SOX6: variants seen among roughly 807,000 people sequenced by gnomAD.
SOX6 encodes SRY-box transcription factor 6, also known as transcription factor SOX-6.
In SOX6, 11 loss-of-function variants were observed where a neutral mutation model predicts 97.8. The observed-to-expected ratio is 0.11, with a 90% CI of 0.07 to 0.19. The LOEUF (loss-of-function observed/expected upper bound fraction) is 0.19, where lower values mean the gene tolerates loss of function less well. SOX6 is among the 10% of genes least tolerant of loss of function. SOX6 has a pLI of 1.00. For synonymous variants in SOX6, 360 were observed against 371.4 expected, an observed-to-expected ratio of 0.97 and a Z score of 0.35; for missense variants, 810 against 1,039.5, an observed-to-expected ratio of 0.78 and a Z score of 3.04.
intron 4 of SOX6, among the ~76,000 whole-genome samples, chr11:16,575,320 GAA>G (rs1847972163): frequency 6.6e-6 from 1 of 152,050 alleles, no homozygotes; most frequent in African/African-American, 2.4e-5. Context: ...AACACTTTTT[GAA>G]AAGAGTTTCA....
intron 1 of SOX6, among the ~76,000 whole-genome samples, chr11:16,389,114 A>T (rs1858083455): frequency 6.6e-6 from 1 of 152,004 alleles, no homozygotes; most frequent in South Asian, 2.1e-4. Flanking sequence ...ACAGGGTCTC[A>T]CTCTGACAAC....
At chr11:16,701,614 T>A (rs1463660282) in intron 3 of SOX6, among the ~76,000 whole-genome samples, 1 of 152,034 alleles carries the variant, frequency 6.6e-6, no homozygotes, top group Non-Finnish European at 1.5e-5. Context: ...TCCCAGCACT[T>A]TGGGAGGCCG....
intron 3 of SOX6, among the ~76,000 whole-genome samples, chr11:16,700,641 C>T (rs1425443642): frequency 6.6e-6 from 1 of 152,122 alleles, no homozygotes; most frequent in East Asian, 1.9e-4. Context: ...TATTTCTTCT[C>T]CACTCCCACT....
At chr11:16,721,524 CT>C (rs1848262378) in intron 2 of SOX6, among the ~76,000 whole-genome samples, 1 of 67,936 alleles carries the variant, frequency 1.5e-5, no homozygotes, top group Non-Finnish European at 3.0e-5. Context: ...CTCTCTCTCT[CT>C]CTCTCTCTCT....
intron 1 of SOX6, among the ~76,000 whole-genome samples, chr11:16,349,715 A>AGGAAGGAAGGAAGGAAGGAAGGAG (rs369882029): frequency 2.4e-5 from 1 of 41,730 alleles, no homozygotes; most frequent in Non-Finnish European, 4.7e-5. Context: ...GAAGGAAGGA[A>AGGAAGGAAGGAAGGAAGGAAGGAG]GAAGGAAGGA....
At position 16,605,545 on chromosome 11, in the gene SOX6, G is replaced by A. The variant is rs1343767527; in HGVS notation, n.609+6536C>T. 6.6e-6 allele frequency among the ~76,000 whole-genome samples: 1 copy of A among 152,166 alleles called. No individual in the cohort carries two copies. Among genetic ancestry groups the A allele is most frequent in the African/African-American group, 2.4e-5 (1 of 41,446 alleles). On this transcript the variant is annotated intron_variant and non_coding_transcript_variant, in intron 4 of 5. Coordinates refer to the SOX6 transcript ENST00000524520. This position sits in a 1 kb window ranked among gnomAD's most constrained non-coding sequence, Gnocchi z 5.3. ...CGAGCGGTGTCCCGAAAAAGTTGCG[G>A]CGGAGCGGCGGTGGGGTGAGGGTGG...
chr11:16,067,772 T>C (rs1480399767), intron 9 of SOX6, among the ~76,000 whole-genome samples: 1 of 152,208 alleles, frequency 6.6e-6, no homozygotes, highest in Non-Finnish European at 1.5e-5. Context: ...AAACATTTCA[T>C]GTATCTCATA....
intron 1 of SOX6, among the ~76,000 whole-genome samples, chr11:16,447,673 A>C (rs1256357114): frequency 1.3e-5 from 2 of 152,146 alleles, no homozygotes; most frequent in African/African-American, 4.8e-5. Flanking sequence ...CCTGTGGAGG[A>C]GACTTAGTTC....
At chr11:16,490,738 C>A (rs1451649612) in intron 4 of SOX6, among the ~76,000 whole-genome samples, 1 of 151,876 alleles carries the variant, frequency 6.6e-6, no homozygotes, top group African/African-American at 2.4e-5. Context: ...AAGAGAAGTC[C>A]ATAACTGAAA....
intron 4 of SOX6, among the ~76,000 whole-genome samples, chr11:16,519,905 G>C (rs1047467780): frequency 1.3e-5 from 2 of 152,146 alleles, no homozygotes; most frequent in African/African-American, 4.8e-5. Flanking sequence ...GGTGTGAGAT[G>C]CTAACTCATT....
In SOX6 at chr11:16,230,595, C is replaced by T. The variant is rs16932776; in HGVS notation, c.535+3987G>A. ...AGACATAAAATAACTGAATAAATGA[C>T]TTTGAATGGAGCAATTCAATAGTAT... On this transcript the variant is annotated intron_variant, in intron 4 of 15. Transcript: ENST00000683767. Among the ~76,000 whole-genome samples, 459 of 151,776 alleles carry T rather than the reference C, an allele frequency of 3.0e-3. 1 individual carries two copies. Among genetic ancestry groups the T allele is most frequent in the African/African-American group, 0.011 (443 of 41,532 alleles).
At chr11:16,281,515 TAATC>T (rs1262946975) in intron 3 of SOX6, among the ~76,000 whole-genome samples, 6 of 152,192 alleles carry the variant, frequency 3.9e-5, no homozygotes, top group African/African-American at 1.4e-4. Context: ...TTGTCAGACA[TAATC>T]AAAGCTTTCA....
At chr11:16,089,243 T>C (rs1311474094) in intron 9 of SOX6, among the ~76,000 whole-genome samples, 1 of 152,156 alleles carries the variant, frequency 6.6e-6, no homozygotes, top group Non-Finnish European at 1.5e-5. Flanking sequence ...TGGTTAAATA[T>C]GCATTGAATG....
rs1429761877 is a variant in SOX6 at position 16,006,512 on chromosome 11, TGAA to T, written c.1732+8427_1732+8429del. On this transcript the variant is annotated intron_variant, in intron 13 of 15. Transcript: ENST00000683767. ...ATTCTTCCCTTCTGGAGCTTTCCTA[TGAA>T]GGTCTATCTGCTTAATGTCTGTGTC... Among the ~76,000 whole-genome samples the T allele has an allele frequency of 2.0e-5, 3 of 152,222 alleles. No homozygotes were observed. In the East Asian group the frequency reaches 5.8e-4, roughly 30 times the overall value.
Position 15,970,627 on chromosome 11 carries a change from A to G in SOX6, c.*2182T>C, listed in dbSNP as rs1283986595. On this transcript the variant is annotated 3_prime_UTR_variant, in exon 16 of 16. Transcript: ENST00000683767. ...TACAAAAACAAATTTCTAATCCCCA[A>G]CCAACATGAATAACAAAGAGTTCCT... 10 of 152,120 alleles carry G rather than the reference A, an allele frequency of 6.6e-5. No homozygotes were observed. The highest frequency in any genetic ancestry group is 5.9e-4 in the Admixed American group (9 of 15,242). The allele number at this position is 152,120 out of a possible 1,614,324, so 9.4% of individuals were successfully genotyped here. A position where few individuals can be genotyped will look rare whatever the true frequency, so the allele number is the denominator to read the frequency against.
At chr11:16,628,325 G>A (rs934060801) in intron 3 of SOX6, among the ~76,000 whole-genome samples, 15 of 152,100 alleles carry the variant, frequency 9.9e-5, no homozygotes, top group Non-Finnish European at 1.8e-4. Flanking sequence ...TTCTAGTTCC[G>A]TGAAAAATGA....
intron 3 of SOX6, among the ~76,000 whole-genome samples, chr11:16,298,692 T>C (rs113856057): frequency 3.3e-5 from 5 of 152,122 alleles, no homozygotes; most frequent in Non-Finnish European, 7.4e-5. Flanking sequence ...TTAACTCTTA[T>C]ATAAAGAATT....
At chr11:16,142,076 C>T (rs1002164964) in intron 6 of SOX6, among the ~76,000 whole-genome samples, 27 of 152,174 alleles carry the variant, frequency 1.8e-4, no homozygotes, top group Admixed American at 1.6e-3. Context: ...CCCTGACCCC[C>T]GAGTAGCCTA....
intron 3 of SOX6, chr11:16,313,744 A>G (rs1855677165): frequency 6.6e-6 from 1 of 151,854 alleles, no homozygotes. Flanking sequence ...CAGAATAAAA[A>G]AATTCTCATT....
Sources: allele counts gnomAD v4.1 joint callset (sites outside exome capture counted in the v4.1 genomes callset), GRCh38; gene constraint gnomAD v4.1.1; non-coding constraint Gnocchi (gnomAD v3.1); transcripts MANE v1.5; gene names NCBI Gene and HGNC (gene_info 2026-07-23, HGNC 2026-07-21).